KCNH8: variants seen among roughly 807,000 people sequenced by gnomAD.
KCNH8 encodes voltage-gated delayed rectifier potassium channel KCNH8.
In KCNH8, 70 loss-of-function variants were observed where a neutral mutation model predicts 103.6. The observed-to-expected ratio is 0.68, with a 90% CI of 0.56 to 0.82. The LOEUF (loss-of-function observed/expected upper bound fraction) is 0.82, where lower values mean the gene tolerates loss of function less well. Among genes scored for constraint, KCNH8 ranks in the 40% least tolerant of loss-of-function variants. The pLI, the probability that KCNH8 is intolerant of heterozygous loss-of-function variation, is 0.00. For synonymous variants in KCNH8, 498 were observed against 489.4 expected, an observed-to-expected ratio of 1.02 and a Z score of -0.23; for missense variants, 1,217 against 1,329.9, an observed-to-expected ratio of 0.92 and a Z score of 1.32.
rs896662199 is a variant in KCNH8 at position 19,429,309 on chromosome 3, G to C, written c.1178-8855G>C. On this transcript the variant is annotated intron_variant, in intron 7 of 15. Transcript: ENST00000328405. ...CTGCCTCAGCCTCCGGAGTAGCTGG[G>C]ACTACAGGTGCCCGCCACTACATCC... Among the ~76,000 whole-genome samples the C allele has an allele frequency of 5.9e-5, 9 of 151,778 alleles. No individual in the cohort carries two copies. In the South Asian group the frequency reaches 1.7e-3, roughly 28 times the overall value.
At chr3:19,519,383 AAGG>A (rs2068932429) in intron 15 of KCNH8, among the ~76,000 whole-genome samples, 1 of 151,722 alleles carries the variant, frequency 6.6e-6, no homozygotes, top group South Asian at 2.1e-4. Context: ...TATCTGTAAT[AAGG>A]GCAGACTGAG....
At chr3:19,371,114 G>A (rs1236481303) in intron 5 of KCNH8, among the ~76,000 whole-genome samples, 3 of 151,416 alleles carry the variant, frequency 2.0e-5, no homozygotes, top group Non-Finnish European at 4.4e-5. Flanking sequence ...TAATCCTTTG[G>A]GTATATACCC....
At chr3:19,297,865 T>C (rs966985215) in intron 3 of KCNH8, among the ~76,000 whole-genome samples, 1 of 152,184 alleles carries the variant, frequency 6.6e-6, no homozygotes, top group African/African-American at 2.4e-5. Context: ...CAGATGCTTA[T>C]CAAGCTCTCC....
rs534298790 is a variant in KCNH8, at chr3:19,360,063, CAAAAGCCT to C, written c.811+12102_811+12109del. 4.3e-4 allele frequency among the ~76,000 whole-genome samples: 65 copies of C among 151,936 alleles called. 1 individual carries two copies. In the South Asian group the frequency reaches 0.013, roughly 31 times the overall value. ...CTCCAGAATTTTTAAAAAGCATGAG[CAAAAGCCT>C]AAAGGAGGTCATAAAGATAAGGACA... On this transcript the variant is annotated intron_variant, in intron 5 of 15. Coordinates refer to ENST00000328405, the MANE Select transcript of KCNH8 (RefSeq NM_144633.3).
chr3:19,402,537 T>C (rs949990688), intron 7 of KCNH8, among the ~76,000 whole-genome samples: 1 of 151,830 alleles, frequency 6.6e-6, no homozygotes, highest in African/African-American at 2.4e-5. Flanking sequence ...TTTTGGGTCA[T>C]AGTTAACAGT....
chr3:19,261,353 T>A (rs1046425321), intron 2 of KCNH8, among the ~76,000 whole-genome samples: 20 of 151,950 alleles, frequency 1.3e-4, no homozygotes, highest in Admixed American at 5.3e-4. Context: ...TGATTAGTGA[T>A]GTGGAACACC....
At position 19,438,330 on chromosome 3, in the gene KCNH8, G is replaced by A. The variant is rs2067230995; in HGVS notation, c.1344G>A (p.Lys448=). The A allele has an allele frequency of 6.2e-7, 1 of 1,613,854 alleles. No homozygotes were observed. The highest frequency in any genetic ancestry group is 1.1e-5 in the South Asian group (1 of 91,076). The change falls in exon 8 of 16, where the codon AAG becomes AAA. Residue 448 remains lysine (K), a synonymous_variant. Coordinates refer to ENST00000328405, the MANE Select transcript of KCNH8 (RefSeq NM_144633.3). ...GNVSANTDAE[K]IFSICTMLIG... ...TCTCTGCTAATACAGATGCAGAAAA[G>A]ATCTTCTCCATCTGCACCATGCTGA...
intron 6 of KCNH8, among the ~76,000 whole-genome samples, chr3:19,390,886 T>A (rs1203626214): frequency 6.6e-6 from 1 of 152,150 alleles, no homozygotes; most frequent in Non-Finnish European, 1.5e-5. Context: ...GCTGAATTTA[T>A]CATAAATACT....
intron 10 of KCNH8, among the ~76,000 whole-genome samples, chr3:19,454,341 CATAA>C (rs1360315250): frequency 6.6e-6 from 1 of 152,030 alleles, no homozygotes; most frequent in Non-Finnish European, 1.5e-5. Flanking sequence ...TAACCTTAAT[CATAA>C]AATATTTTTT....
At chr3:19,358,702 C>A (rs1381074469) in intron 5 of KCNH8, among the ~76,000 whole-genome samples, 1 of 151,236 alleles carries the variant, frequency 6.6e-6, no homozygotes, top group Non-Finnish European at 1.5e-5. Flanking sequence ...ACATAGAAAC[C>A]AAAATTCTAA....
chr3:19,241,863 A>G (rs2064146654), intron 1 of KCNH8, among the ~76,000 whole-genome samples: 1 of 152,178 alleles, frequency 6.6e-6, no homozygotes, highest in Admixed American at 6.5e-5. Flanking sequence ...ATCACAAATA[A>G]CTACAATATT....
intron 3 of KCNH8, among the ~76,000 whole-genome samples, chr3:19,291,940 A>G (rs1376176287): frequency 6.6e-6 from 1 of 152,208 alleles, no homozygotes; most frequent in Non-Finnish European, 1.5e-5. Flanking sequence ...TTTCTTATTA[A>G]TTAATTGTAT....
intron 2 of KCNH8, among the ~76,000 whole-genome samples, chr3:19,261,457 A>C (rs941706381): frequency 6.6e-6 from 1 of 151,756 alleles, no homozygotes; most frequent in Non-Finnish European, 1.5e-5. Flanking sequence ...TTTCCTTGCC[A>C]TTGAGTTGTA....
At position 19,163,295 on chromosome 3, in the gene KCNH8, T is replaced by C. The variant is rs188079253; in HGVS notation, c.76+14500T>C. 3.6e-3 allele frequency among the ~76,000 whole-genome samples: 537 copies of C among 150,258 alleles called. 4 individuals are homozygous for C. Among genetic ancestry groups the C allele is most frequent in the African/African-American group, 0.012 (495 of 41,250 alleles). ...GTGTATATATAAAATTATATATATA[T>C]ATAAAACAAATAATTTTACTTTTTA... On this transcript the variant is annotated intron_variant, in intron 1 of 15. Coordinates refer to ENST00000328405, the MANE Select transcript of KCNH8 (RefSeq NM_144633.3).
chr3:19,288,538 T>C (rs918740103), intron 3 of KCNH8, among the ~76,000 whole-genome samples: 1 of 152,118 alleles, frequency 6.6e-6, no homozygotes, highest in African/African-American at 2.4e-5. Flanking sequence ...GCTTCATCCA[T>C]GTCCCTACAA....
intron 1 of KCNH8, among the ~76,000 whole-genome samples, chr3:19,244,590 T>A (rs1263494872): frequency 2.0e-5 from 3 of 152,220 alleles, no homozygotes; most frequent in Non-Finnish European, 4.4e-5. Context: ...CAACCAACAA[T>A]GTATAAGCAT....
At chr3:19,152,094 C>G (rs937433073) in intron 1 of KCNH8, among the ~76,000 whole-genome samples, 1 of 151,784 alleles carries the variant, frequency 6.6e-6, no homozygotes, top group Non-Finnish European at 1.5e-5. Context: ...CACACATACA[C>G]CACACACACA....
At chr3:19,188,181 A>T (rs1435145675) in intron 1 of KCNH8, among the ~76,000 whole-genome samples, 2 of 151,988 alleles carry the variant, frequency 1.3e-5, no homozygotes, top group African/African-American at 4.8e-5. Flanking sequence ...TTGTTTCTGT[A>T]ATTGTGTTTA....
intron 11 of KCNH8, among the ~76,000 whole-genome samples, chr3:19,457,267 A>C (rs1199619933): frequency 6.6e-6 from 1 of 151,980 alleles, no homozygotes; most frequent in Non-Finnish European, 1.5e-5. Context: ...GTTATATATA[A>C]CATTAGGTAG....
Sources: gnomAD v4.1 joint callset for allele counts (sites outside exome capture counted in the v4.1 genomes callset) on GRCh38, gnomAD v4.1.1 for gene constraint, MANE v1.5 for transcripts, NCBI Gene and HGNC (gene_info 2026-07-23, HGNC 2026-07-21) for gene names.